PKNOX2: variants seen among roughly 807,000 people sequenced by gnomAD.
The protein encoded by PKNOX2 is homeobox protein PKNOX2.
PKNOX2 carries 14 observed loss-of-function variants against 53.1 expected under a neutral mutation model. The ratio of observed to expected loss-of-function variants is 0.26; its 90% CI spans 0.17 to 0.41. The LOEUF (loss-of-function observed/expected upper bound fraction) is 0.41. Ranked by LOEUF, PKNOX2 falls within the 10% of genes least tolerant of loss-of-function variation. PKNOX2 has a pLI of 1.00. For missense variants in PKNOX2, 496 were observed against 602.8 expected, an observed-to-expected ratio of 0.82 and a Z score of 1.85; for synonymous variants, 257 against 242.8, an observed-to-expected ratio of 1.06 and a Z score of -0.54.
intron 2 of PKNOX2, among the ~76,000 whole-genome samples, chr11:125,296,008 G>T (rs1013560467): frequency 2.0e-5 from 3 of 152,042 alleles, no homozygotes; most frequent in African/African-American, 4.8e-5. Context: ...AATAAGGTGG[G>T]GTCCCCCTGA....
At chr11:125,354,515 C>T (rs918184659) in intron 4 of PKNOX2, among the ~76,000 whole-genome samples, 4 of 152,188 alleles carry the variant, frequency 2.6e-5, no homozygotes, top group African/African-American at 4.8e-5. Flanking sequence ...GGAAGCGAGA[C>T]GCAGAGCCCT....
intron 2 of PKNOX2, among the ~76,000 whole-genome samples, chr11:125,262,072 G>A (rs1454594987): frequency 6.6e-6 from 1 of 152,096 alleles, no homozygotes; most frequent in Non-Finnish European, 1.5e-5. Flanking sequence ...CACTAAGAAG[G>A]GTGTTAATTC....
chr11:125,227,908 C>A (rs929704925), intron 1 of PKNOX2, among the ~76,000 whole-genome samples: 5 of 152,198 alleles, frequency 3.3e-5, no homozygotes, highest in African/African-American at 1.2e-4. Flanking sequence ...CCCGGAGGAG[C>A]CACAGAGAAC....
chr11:125,327,052 C>T (rs1210744448), intron 2 of PKNOX2, among the ~76,000 whole-genome samples: 5 of 152,150 alleles, frequency 3.3e-5, no homozygotes, highest in Admixed American at 3.3e-4. Context: ...GGCTCTTGGG[C>T]CAACTGGGAC....
At chr11:125,219,083 G>A (rs1940860160) in intron 1 of PKNOX2, among the ~76,000 whole-genome samples, 1 of 152,124 alleles carries the variant, frequency 6.6e-6, no homozygotes, top group Admixed American at 6.5e-5. Context: ...GCCAGTGGGA[G>A]GGTGTTGGCT....
chr11:125,178,594 G>GA (rs2135250973), intron 1 of PKNOX2, among the ~76,000 whole-genome samples: 1 of 45,280 alleles, frequency 2.2e-5, no homozygotes, highest in African/African-American at 1.4e-4. Context: ...AGGAAGGAAG[G>GA]AAGGAAGGAA....
intron 5 of PKNOX2, among the ~76,000 whole-genome samples, chr11:125,368,693 A>T (rs886148529): frequency 6.6e-6 from 1 of 152,196 alleles, no homozygotes; most frequent in Non-Finnish European, 1.5e-5. Flanking sequence ...CCACGCATCC[A>T]GGGCTGAGTC....
At chr11:125,272,855 G>A (rs1010235333) in intron 2 of PKNOX2, among the ~76,000 whole-genome samples, 3 of 152,136 alleles carry the variant, frequency 2.0e-5, no homozygotes, top group African/African-American at 4.8e-5. Flanking sequence ...TGACTTCTCC[G>A]CCTGCCTCAC....
intron 1 of PKNOX2, among the ~76,000 whole-genome samples, chr11:125,201,299 C>T (rs1938407858): frequency 6.6e-6 from 1 of 152,152 alleles, no homozygotes; most frequent in Admixed American, 6.5e-5. Flanking sequence ...CTGCTGATGC[C>T]TAGAGCCTTT....
intron 1 of PKNOX2, among the ~76,000 whole-genome samples, chr11:125,188,955 C>T (rs575592469): frequency 6.6e-6 from 1 of 151,940 alleles, no homozygotes; most frequent in Non-Finnish European, 1.5e-5. Flanking sequence ...TTCTGAGTCC[C>T]GTGCTGGTGC....
chr11:125,202,029 A>G (rs1462455386), intron 1 of PKNOX2, among the ~76,000 whole-genome samples: 1 of 152,200 alleles, frequency 6.6e-6, no homozygotes, highest in Non-Finnish European at 1.5e-5. Context: ...CCTGTTTGCT[A>G]GGCCGGCTTA....
At chr11:125,223,150 G>A (rs142492776) in intron 1 of PKNOX2, among the ~76,000 whole-genome samples, 169 of 152,130 alleles carry the variant, frequency 1.1e-3, no homozygotes, top group African/African-American at 4.0e-3. Flanking sequence ...ATGACACATT[G>A]GTTTGCCCTT....
Position 125,351,401 on chromosome 11 carries a change from G to T in PKNOX2, c.87+9G>T, listed in dbSNP as rs746574142. On this transcript the variant is annotated intron_variant, in intron 4 of 12. Transcript: ENST00000298282. The stretch of plus-strand genomic sequence containing the variant: ...ACCAGGACAGCCCACAGGTGAGTGC[G>T]CAGGGGCCGCTGCCTCCCACCACGG... The T allele has an allele frequency of 1.9e-6, 3 of 1,574,204 alleles. No homozygotes were observed. The highest frequency in any genetic ancestry group is 2.6e-6 in the Non-Finnish European group (3 of 1,147,296).
chr11:125,411,772 G>T lies in PKNOX2; in HGVS notation c.843G>T (p.Leu281=). The change falls in exon 10 of 13, where the codon CTG becomes CTT. Residue 281 remains leucine, a synonymous_variant. Coordinates refer to ENST00000298282, the MANE Select transcript of PKNOX2 (RefSeq NM_001382323.2). ...TQVNLDLTSL[L]DNEDKKSKNK... is the part of the protein sequence containing the mutation. ...TTAACCTTGACCTCACCTCCCTCCT[G>T]GACAATGAGGATAAGAAGTCCAAGA... 6.2e-7 allele frequency: 1 copy of T among 1,614,124 alleles called. No individual in the cohort carries two copies. The highest frequency in any genetic ancestry group is 8.5e-7 in the Non-Finnish European group (1 of 1,180,022).
At chr11:125,209,656 C>T (rs772183153) in intron 1 of PKNOX2, among the ~76,000 whole-genome samples, 2 of 151,908 alleles carry the variant, frequency 1.3e-5, no homozygotes, top group African/African-American at 2.4e-5. Flanking sequence ...TGCTAACACA[C>T]AGTAATAGAT....
intron 2 of PKNOX2, among the ~76,000 whole-genome samples, chr11:125,272,269 C>T (rs923301630): frequency 6.6e-6 from 1 of 152,120 alleles, no homozygotes; most frequent in African/African-American, 2.4e-5. Flanking sequence ...ATCCTGGATC[C>T]TTAGGTAATT....
At chr11:125,294,613 G>A (rs1237117178) in intron 2 of PKNOX2, among the ~76,000 whole-genome samples, 1 of 152,184 alleles carries the variant, frequency 6.6e-6, no homozygotes, top group African/African-American at 2.4e-5. Flanking sequence ...GGGTTCGTGT[G>A]CACAGGGACA....
chr11:125,381,487 C>T (rs1276856458), intron 5 of PKNOX2, among the ~76,000 whole-genome samples: 1 of 152,094 alleles, frequency 6.6e-6, no homozygotes, highest in Non-Finnish European at 1.5e-5. Context: ...TCTTCTGAGA[C>T]AGCAGGAGCC....
chr11:125,402,394 C>T (rs111440020), intron 7 of PKNOX2, among the ~76,000 whole-genome samples: 10 of 152,156 alleles, frequency 6.6e-5, no homozygotes, highest in African/African-American at 2.2e-4. Flanking sequence ...GGAACCATTC[C>T]ACTAGAGAGA....
Sources: allele counts gnomAD v4.1 joint callset (sites outside exome capture counted in the v4.1 genomes callset), GRCh38; gene constraint gnomAD v4.1.1; transcripts MANE v1.5; gene names NCBI Gene and HGNC (gene_info 2026-07-23, HGNC 2026-07-21).